TXLNA: variants seen among roughly 807,000 people sequenced by gnomAD.
The protein encoded by TXLNA is alpha-taxilin.
A neutral mutation model predicts 61.4 loss-of-function variants in TXLNA; 9 were observed. The observed-to-expected ratio is 0.15, with a 90% CI of 0.09 to 0.26. The LOEUF (loss-of-function observed/expected upper bound fraction) is 0.26, where lower values mean the gene tolerates loss of function less well. Among genes scored for constraint, TXLNA ranks in the 10% least tolerant of loss-of-function variants. The pLI is 1.00. For missense variants in TXLNA, 565 were observed against 688.8 expected (o/e 0.82, Z 2.01); for synonymous variants, 257 against 267.7 (o/e 0.96, Z 0.39).
At chr1:32,194,851 A>G in intron 10 of TXLNA, 51 bp from the exon 11 acceptor site, 2 of 1,541,772 alleles carry the variant, frequency 1.3e-6, no homozygotes, top group Non-Finnish European at 8.7e-7. Flanking sequence ...TGGTGATGGT[A>G]AGTGGGAGGT....
At chr1:32,182,141 A>G (rs1388837159) in intron 3 of TXLNA, among the ~76,000 whole-genome samples, 1 of 147,366 alleles carries the variant, frequency 6.8e-6, no homozygotes, top group African/African-American at 2.5e-5. Context: ...AAAGCCAGAA[A>G]TCTAGAGTTA....
chr1:32,183,094 C>T (rs1012696447), intron 3 of TXLNA, among the ~76,000 whole-genome samples: 6 of 151,686 alleles, frequency 4.0e-5, no homozygotes, highest in African/African-American at 1.2e-4. Flanking sequence ...AAAATCTTAA[C>T]GTCACATACA....
At chr1:32,182,427 G>A (rs757194596) in intron 3 of TXLNA, among the ~76,000 whole-genome samples, 7 of 151,950 alleles carry the variant, frequency 4.6e-5, no homozygotes, top group South Asian at 2.1e-4. Context: ...TTGGGAGGCC[G>A]AGGCGGGTGG....
chr1:32,184,698 C>A, intron 4 of TXLNA, 82 bp downstream of exon 4: 1 of 888,652 alleles, frequency 1.1e-6, no homozygotes, highest in Non-Finnish European at 1.8e-6. Context: ...GGTGCAGAGT[C>A]AAGTAGGTGG....
At position 32,185,378 on chromosome 1, in the gene TXLNA, G is replaced by GTATT. The variant is rs1429310583; in HGVS notation, c.597+765_597+766insTTAT. Among the ~76,000 whole-genome samples, 18 of 150,242 alleles carry GTATT rather than the reference G, an allele frequency of 1.2e-4. No homozygotes were observed. The South Asian group carries it at 1.5e-3, about 13-fold the overall frequency. ...CCTGTGTATGTATGTATGTATGTAT[G>GTATT]TATGTATGTATTTATTTATTTATTT... On this transcript the variant is annotated intron_variant, in intron 4 of 10. Coordinates refer to ENST00000373610, the MANE Select transcript of TXLNA (RefSeq NM_175852.4).
rs1283080994 is a variant in TXLNA, at chr1:32,195,219, G to A, written c.*24G>A. 2 of 1,545,616 alleles carry A rather than the reference G, an allele frequency of 1.3e-6. No homozygotes were observed. Among genetic ancestry groups the A allele is most frequent in the East Asian group, 4.5e-5 (2 of 44,374 alleles). On this transcript the variant is annotated 3_prime_UTR_variant, in exon 11 of 11. Coordinates refer to ENST00000373610, the MANE Select transcript of TXLNA (RefSeq NM_175852.4). ...AGAGAGCCTGGTGTTGGGTCATGCT[G>A]GGAAGGGAGCGGCAGCCCAGCCAGG...
chr1:32,179,700 C>G lies in TXLNA; in HGVS notation c.-109C>G, dbSNP rs1041158663. 2.6e-5 allele frequency: 4 copies of G among 152,246 alleles called. No individual in the cohort carries two copies. The highest frequency in any genetic ancestry group is 5.9e-5 in the Non-Finnish European group (4 of 68,082). The allele number at this position is 152,246 out of a possible 1,614,324, so 9.4% of individuals were successfully genotyped here. On this transcript the variant is annotated 5_prime_UTR_variant, in exon 1 of 11. Coordinates refer to ENST00000373610, the MANE Select transcript of TXLNA (RefSeq NM_175852.4). Reference sequence around the variant, plus strand: ...ATTGATTGGCTGAGGCGGGAGCAGGCGGCTGGCCGGCAGCAGTTACTCGGG... The same window carrying G: ...ATTGATTGGCTGAGGCGGGAGCAGGGGGCTGGCCGGCAGCAGTTACTCGGG...
At chr1:32,190,867 C>T (rs1300991269) in intron 6 of TXLNA, among the ~76,000 whole-genome samples, 3 of 152,068 alleles carry the variant, frequency 2.0e-5, no homozygotes, top group Admixed American at 6.5e-5. Context: ...CCAAAGCGGG[C>T]GGATCACCTG....
At chr1:32,193,995 C>T (rs1642961094) in intron 9 of TXLNA, 70 bp from the exon 10 acceptor site, 3 of 1,274,172 alleles carry the variant, frequency 2.4e-6, no homozygotes, top group Non-Finnish European at 3.4e-6. Context: ...AGGTGCAGTC[C>T]CCACCTTGGA....
In TXLNA at chr1:32,192,163, T is replaced by G. The variant is rs907872308; in HGVS notation, c.964-148T>G. The G allele has an allele frequency of 7.4e-6, 9 of 1,223,788 alleles. No homozygotes were observed. The highest frequency in any genetic ancestry group is 1.0e-5 in the Non-Finnish European group (9 of 884,444). 75.8% of individuals were successfully genotyped at this position (1,223,788 alleles called of 1,614,324 possible). On this transcript the variant is annotated intron_variant, in intron 6 of 10. Coordinates refer to ENST00000373610, the MANE Select transcript of TXLNA (RefSeq NM_175852.4). This position sits in a 1 kb window ranked among gnomAD's most constrained non-coding sequence, Gnocchi z 4.2. ...TTGGAAAGCTGACCTTCCAGAGACT[T>G]GGGGCCCATGTTGTGTGGTACACAT... is the stretch of plus-strand genomic sequence containing the variant.
In TXLNA at chr1:32,180,463, G is replaced by T; in HGVS notation, c.118G>T (p.Ala40Ser). 1 of 1,612,124 alleles carries T rather than the reference G, an allele frequency of 6.2e-7. No homozygotes were observed. Among genetic ancestry groups the T allele is most frequent in the Non-Finnish European group, 8.5e-7 (1 of 1,179,126 alleles). The change falls in exon 2 of 11, where the codon GCA becomes TCA. Residue 40 changes from alanine to serine, a missense_variant. Coordinates refer to ENST00000373610, the MANE Select transcript of TXLNA (RefSeq NM_175852.4). The part of the protein sequence containing the change: ...AQERPSQAAP[A>S]VEAEGPGSSQ... ...GGAGCGGCCCAGCCAGGCGGCTCCT[G>T]CAGTAGAAGCAGAAGGTCCCGGCAG...
At position 32,195,498 on chromosome 1, in the gene TXLNA, T is replaced by G. The variant is rs563974010; in HGVS notation, c.*303T>G. 5.0e-5 allele frequency: 26 copies of G among 516,608 alleles called. No homozygotes were observed. Among genetic ancestry groups the G allele is most frequent in the African/African-American group, 4.8e-4 (25 of 52,238 alleles). 32.0% of individuals were successfully genotyped at this position (516,608 alleles called of 1,614,324 possible). On this transcript the variant is annotated 3_prime_UTR_variant, in exon 11 of 11. Coordinates refer to ENST00000373610, the MANE Select transcript of TXLNA (RefSeq NM_175852.4). ...GAGTCTTGAGAGGGGCTGTCATCTG[T>G]AGCTGCCATCACAGTGAGTTGGCAG...
At chr1:32,187,758 C>T (rs749394049) in intron 4 of TXLNA, among the ~76,000 whole-genome samples, 196 bp from the exon 5 acceptor site, 29 of 152,150 alleles carry the variant, frequency 1.9e-4, no homozygotes, top group Non-Finnish European at 5.9e-5. Flanking sequence ...TCTGTCCCTA[C>T]GGTGGAGCCT....
At chr1:32,186,420 G>A (rs554827441) in intron 4 of TXLNA, among the ~76,000 whole-genome samples, 1 of 140,170 alleles carries the variant, frequency 7.1e-6, no homozygotes, top group Non-Finnish European at 1.5e-5. Flanking sequence ...GGAGAGGAGT[G>A]TGAATAGCAT....
At chr1:32,191,853 G>A (rs989087857) in intron 6 of TXLNA, among the ~76,000 whole-genome samples, 1 of 152,232 alleles carries the variant, frequency 6.6e-6, no homozygotes, top group Non-Finnish European at 1.5e-5. Flanking sequence ...CTAGTAGGCA[G>A]GACAGCCATT....
rs1642996924 is a variant in TXLNA, at chr1:32,195,385, A to G, written c.*190A>G. Reference sequence around the variant, plus strand: ...TAGGGCATTTTGCAAGGCCTTGCAAATGCATTTATACCTGTAAGTGTACAG... The same window carrying G: ...TAGGGCATTTTGCAAGGCCTTGCAAGTGCATTTATACCTGTAAGTGTACAG... On this transcript the variant is annotated 3_prime_UTR_variant, in exon 11 of 11. Transcript: ENST00000373610. 1 of 616,576 alleles carries G rather than the reference A, an allele frequency of 1.6e-6. No homozygotes were observed. Among genetic ancestry groups the G allele is most frequent in the Admixed American group, 3.0e-5 (1 of 33,222 alleles). 38.2% of individuals were successfully genotyped at this position (616,576 alleles called of 1,614,324 possible).
rs182516881 is a variant in TXLNA, at chr1:32,184,822, T to C, written c.597+206T>C. 5.9e-5 allele frequency among the ~76,000 whole-genome samples: 9 copies of C among 152,330 alleles called. No individual in the cohort carries two copies. In the East Asian group the frequency reaches 1.7e-3, roughly 29 times the overall value. On this transcript the variant is annotated intron_variant, in intron 4 of 10. Coordinates refer to ENST00000373610, the MANE Select transcript of TXLNA (RefSeq NM_175852.4). The stretch of plus-strand genomic sequence containing the variant: ...GAAACTGCATATTCCTTGAAAGAAA[T>C]TTCTCAAAGAATGATTCCAAGGTGG...
In TXLNA at chr1:32,194,883, G is replaced by A. The variant is rs374184581; in HGVS notation, c.1348-19G>A. 76 of 1,587,144 alleles carry A rather than the reference G, an allele frequency of 4.8e-5. No individual in the cohort carries two copies. The highest frequency in any genetic ancestry group is 6.0e-5 in the Non-Finnish European group (70 of 1,167,910). ...AGGTTGATGGGGCACGGCACTGAAG[G>A]TCTCATTTCTTTCCCTAGAAAACAG... On this transcript the variant is annotated intron_variant, in intron 10 of 10. Transcript: ENST00000373610.
chr1:32,196,549 C>T lies in TXLNA; in HGVS notation c.*1354C>T, dbSNP rs1643029218. ...TTCTGTGTCCTGTTCTACCCCCACT[C>T]CAGTACATAACTACTATGTACTGTG... On this transcript the variant is annotated 3_prime_UTR_variant, in exon 11 of 11. Coordinates refer to ENST00000373610, the MANE Select transcript of TXLNA (RefSeq NM_175852.4). The T allele has an allele frequency of 1.3e-5, 2 of 152,240 alleles. No individual in the cohort carries two copies. Among genetic ancestry groups the T allele is most frequent in the Admixed American group, 6.5e-5 (1 of 15,274 alleles). 9.4% of individuals were successfully genotyped at this position (152,240 alleles called of 1,614,324 possible). A position where few individuals can be genotyped will look rare whatever the true frequency, so the allele number is the denominator to read the frequency against.
Sources: allele counts gnomAD v4.1 joint callset (sites outside exome capture counted in the v4.1 genomes callset), GRCh38; gene constraint gnomAD v4.1.1; non-coding constraint Gnocchi (gnomAD v3.1); transcripts MANE v1.5; gene names NCBI Gene and HGNC (gene_info 2026-07-23, HGNC 2026-07-21).